SGCZ: variants seen among roughly 807,000 people sequenced by gnomAD.
SGCZ encodes sarcoglycan zeta, also known as zeta-sarcoglycan.
SGCZ carries 40 observed loss-of-function variants against 41.3 expected under a neutral mutation model. That is an observed-to-expected ratio of 0.97 (90% CI 0.75 to 1.26). The LOEUF (loss-of-function observed/expected upper bound fraction) is 1.26. Among genes scored for constraint, SGCZ ranks in the 50% most tolerant of loss-of-function variants. The pLI is 0.00. For synonymous variants in SGCZ, 206 were observed against 137.5 expected, an observed-to-expected ratio of 1.50 and a Z score of -3.49; for missense variants, 552 against 369.8, an observed-to-expected ratio of 1.49 and a Z score of -4.04.
At chr8:14,639,733 C>A (rs1019287742) in intron 1 of SGCZ, among the ~76,000 whole-genome samples, 1 of 151,102 alleles carries the variant, frequency 6.6e-6, no homozygotes, top group African/African-American at 2.4e-5. Context: ...AGAATAAAAC[C>A]GATAAGGACT....
intron 4 of SGCZ, among the ~76,000 whole-genome samples, chr8:14,230,769 G>A (rs1426704433): frequency 6.6e-6 from 1 of 150,774 alleles, no homozygotes; most frequent in Non-Finnish European, 1.5e-5. Flanking sequence ...GTGGTGGTGG[G>A]GGGGTGGTTA....
At chr8:14,473,402 A>C (rs1801266571) in intron 2 of SGCZ, among the ~76,000 whole-genome samples, 1 of 152,226 alleles carries the variant, frequency 6.6e-6, no homozygotes, top group African/African-American at 2.4e-5. Context: ...ATATGAAATA[A>C]CTTCATTAAA....
chr8:14,561,814 T>TA (rs2117208148), intron 1 of SGCZ, among the ~76,000 whole-genome samples: 1 of 152,298 alleles, frequency 6.6e-6, no homozygotes, highest in East Asian at 1.9e-4. Flanking sequence ...CGCAGTATTT[T>TA]ATCTAATAAT....
intron 2 of SGCZ, among the ~76,000 whole-genome samples, chr8:14,422,581 C>G (rs1799664290): frequency 6.6e-6 from 1 of 152,176 alleles, no homozygotes; most frequent in Non-Finnish European, 1.5e-5. Context: ...AGCGACTTTT[C>G]TGCTTACTGT....
chr8:14,357,446 A>G (rs1041699516), intron 2 of SGCZ, among the ~76,000 whole-genome samples: 4 of 152,232 alleles, frequency 2.6e-5, no homozygotes, highest in African/African-American at 9.6e-5. Flanking sequence ...CATTGACAAT[A>G]ATCAGTGATT....
intron 4 of SGCZ, among the ~76,000 whole-genome samples, chr8:14,234,594 G>C (rs1806689422): frequency 6.6e-6 from 1 of 151,994 alleles, no homozygotes; most frequent in African/African-American, 2.4e-5. Flanking sequence ...TATTCAGTTT[G>C]TGTGCTAATT....
intron 2 of SGCZ, among the ~76,000 whole-genome samples, chr8:14,388,086 G>A (rs1161887066): frequency 6.6e-6 from 1 of 152,158 alleles, no homozygotes; most frequent in African/African-American, 2.4e-5. Flanking sequence ...GGAACAATTT[G>A]ATGTAAAATG....
intron 1 of SGCZ, among the ~76,000 whole-genome samples, chr8:14,736,782 C>T (rs1352270140): frequency 6.6e-6 from 1 of 152,082 alleles, no homozygotes; most frequent in Admixed American, 6.6e-5. Context: ...TAATCACATT[C>T]AGGTCATTGC....
chr8:14,182,892 C>T (rs1585208812), intron 4 of SGCZ, among the ~76,000 whole-genome samples: 1 of 151,654 alleles, frequency 6.6e-6, no homozygotes, highest in Non-Finnish European at 1.5e-5. Flanking sequence ...CACCTGTAAT[C>T]CCAACTAGGT....
At chr8:14,251,718 A>G (rs969115320) in intron 3 of SGCZ, among the ~76,000 whole-genome samples, 20 of 152,238 alleles carry the variant, frequency 1.3e-4, no homozygotes, top group African/African-American at 4.6e-4. Flanking sequence ...CATTTTATAT[A>G]AGAATTCATA....
At chr8:14,493,657 T>C (rs1004677335) in intron 2 of SGCZ, among the ~76,000 whole-genome samples, 2 of 151,806 alleles carry the variant, frequency 1.3e-5, no homozygotes, top group African/African-American at 4.8e-5. Context: ...TGAGTCACCG[T>C]TCCTGGCCCT....
intron 1 of SGCZ, among the ~76,000 whole-genome samples, chr8:14,650,926 G>C (rs1185327267): frequency 6.6e-5 from 10 of 151,918 alleles, no homozygotes; most frequent in African/African-American, 9.7e-5. Flanking sequence ...TTATAAGGCA[G>C]AGAATCTAGA....
chr8:14,675,769 C>G (rs565727561), intron 1 of SGCZ, among the ~76,000 whole-genome samples: 1 of 152,200 alleles, frequency 6.6e-6, no homozygotes, highest in East Asian at 1.9e-4. Context: ...AAAATGGAAA[C>G]AAATAACACT....
intron 1 of SGCZ, among the ~76,000 whole-genome samples, chr8:14,945,090 A>G (rs868100984): frequency 6.9e-6 from 1 of 145,100 alleles, no homozygotes; most frequent in Admixed American, 7.2e-5. Flanking sequence ...TACAACATGC[A>G]CAAGGAAACC....
chr8:14,256,122 G>T (rs1490546281), intron 3 of SGCZ, among the ~76,000 whole-genome samples: 1 of 152,090 alleles, frequency 6.6e-6, no homozygotes, highest in Non-Finnish European at 1.5e-5. Context: ...TGGGATACTT[G>T]ATAGATGGCA....
intron 1 of SGCZ, among the ~76,000 whole-genome samples, chr8:14,667,132 G>C (rs1807936274): frequency 1.3e-5 from 2 of 152,044 alleles, no homozygotes; most frequent in South Asian, 4.1e-4. Context: ...ATACAAACTT[G>C]AAAGTTTCCA....
chr8:15,097,192 C>T (rs141228192), intron 1 of SGCZ, among the ~76,000 whole-genome samples: 128 of 152,188 alleles, frequency 8.4e-4, no homozygotes, highest in African/African-American at 2.9e-3. Context: ...TGTACCCTAC[C>T]GACAGTTTCA....
intron 3 of SGCZ, among the ~76,000 whole-genome samples, chr8:14,291,580 C>T (rs1800844505): frequency 6.6e-6 from 1 of 151,840 alleles, no homozygotes; most frequent in African/African-American, 2.4e-5. Flanking sequence ...ATAGTTTTCA[C>T]CATTCTGGGT....
chr8:14,335,929 A>G (rs1475246715), intron 2 of SGCZ, among the ~76,000 whole-genome samples: 3 of 152,126 alleles, frequency 2.0e-5, no homozygotes, highest in Non-Finnish European at 4.4e-5. Context: ...TTTTTTAAAA[A>G]AAACTTTTAG....
Sources: gnomAD v4.1 joint callset for allele counts (sites outside exome capture counted in the v4.1 genomes callset) on GRCh38, gnomAD v4.1.1 for gene constraint, MANE v1.5 for transcripts, NCBI Gene and HGNC (gene_info 2026-07-23, HGNC 2026-07-21) for gene names.